Variants in CDADC1 observed in about 807,000 individuals in gnomAD.
The protein encoded by CDADC1 is cytidine and dCMP deaminase domain containing 1, also known as dCTP deaminase.
In CDADC1, 39 loss-of-function variants were observed where a neutral mutation model predicts 54.9. The observed-to-expected ratio is 0.71, with a 90% CI of 0.55 to 0.93. The LOEUF is 0.93. CDADC1 is among the 40% of genes least tolerant of loss of function. CDADC1 has a pLI of 0.00. For missense variants in CDADC1, 518 were observed against 618.8 expected, an observed-to-expected ratio of 0.84 and a Z score of 1.73; for synonymous variants, 186 against 204.0, an observed-to-expected ratio of 0.91 and a Z score of 0.75.
intron 8 of CDADC1, among the ~76,000 whole-genome samples, chr13:49,282,346 C>T (rs1312039906): frequency 6.7e-6 from 1 of 149,666 alleles, no homozygotes; most frequent in Non-Finnish European, 1.5e-5. Flanking sequence ...CTCCTGGGCT[C>T]AAGCGATCTG....
chr13:49,260,606 C>T (rs1379548978), intron 4 of CDADC1, among the ~76,000 whole-genome samples: 3 of 152,196 alleles, frequency 2.0e-5, no homozygotes, highest in Non-Finnish European at 4.4e-5. Flanking sequence ...GTATAGCCAT[C>T]CGTCCACACC....
intron 2 of CDADC1, among the ~76,000 whole-genome samples, chr13:49,250,143 G>A (rs1440512868): frequency 6.6e-6 from 1 of 152,168 alleles, no homozygotes; most frequent in African/African-American, 2.4e-5. Context: ...TTACAAAGTT[G>A]TAGTTATATT....
chr13:49,248,759 G>A, intron 1 of CDADC1, 112 bp from the exon 2 acceptor site: 1 of 714,086 alleles, frequency 1.4e-6, no homozygotes, highest in South Asian at 1.6e-5. Flanking sequence ...CTTTTTCTGT[G>A]CCTCTTGCGA....
intron 8 of CDADC1, among the ~76,000 whole-genome samples, chr13:49,285,511 C>T (rs1217033675): frequency 6.6e-6 from 1 of 152,020 alleles, no homozygotes; most frequent in Non-Finnish European, 1.5e-5. Context: ...ATACCTAGGC[C>T]TTTTCTAGCT....
At chr13:49,279,187 G>A (rs980649795) in intron 7 of CDADC1, among the ~76,000 whole-genome samples, 5 of 152,174 alleles carry the variant, frequency 3.3e-5, no homozygotes, top group African/African-American at 1.2e-4. Context: ...AACTGTGTAA[G>A]ACATGACTCC....
rs1953293434 is a variant in CDADC1, at chr13:49,280,622, A to G, written c.1334A>G (p.Asp445Gly). 7 of 1,602,014 alleles carry G rather than the reference A, an allele frequency of 4.4e-6. No individual in the cohort carries two copies. The East Asian group carries it at 1.4e-4, about 31-fold the overall frequency. ...GGCATAAAACAAATCTATGCAGGAG[A>G]TGTAGATGTTGGAAAAAAGAAGGCA... is the stretch of plus-strand genomic sequence containing the variant. ...GAGIKQIYAG[D>G]VDVGKKKADI... The change falls in exon 8 of 10, where the codon GAT becomes GGT. Residue 445 changes from aspartate to glycine, a missense_variant. Physicochemically the swap from Asp to Gly is moderately conservative, Grantham distance 94 (BLOSUM62 -1). Coordinates refer to ENST00000251108, the MANE Select transcript of CDADC1 (RefSeq NM_030911.4).
chr13:49,292,441 AG>A lies in CDADC1; in HGVS notation c.*685del. Reference sequence around the variant, plus strand: ...ATCACTGACTCTTGAAATCACTAACAGTGAACCTCAAATTTGGTTATGATGT... The same window carrying A: ...ATCACTGACTCTTGAAATCACTAACATGAACCTCAAATTTGGTTATGATGT... On this transcript the variant is annotated 3_prime_UTR_variant, in exon 10 of 10. Transcript: ENST00000251108. 9.9e-7 allele frequency: 1 copy of A among 1,010,804 alleles called. No homozygotes were observed. Among genetic ancestry groups the A allele is most frequent in the Non-Finnish European group, 1.2e-6 (1 of 845,154 alleles). The allele number at this position is 1,010,804 out of a possible 1,614,324, so 62.6% of individuals were successfully genotyped here.
At chr13:49,256,802 A>T (rs1293044575) in intron 3 of CDADC1, among the ~76,000 whole-genome samples, 2 of 152,192 alleles carry the variant, frequency 1.3e-5, no homozygotes, top group African/African-American at 4.8e-5. Flanking sequence ...TCTGAGAGTG[A>T]GCCCAGTAGG....
chr13:49,283,592 TG>T (rs1953414241), intron 8 of CDADC1, among the ~76,000 whole-genome samples: 1 of 152,178 alleles, frequency 6.6e-6, no homozygotes, highest in African/African-American at 2.4e-5. Flanking sequence ...TCTTGCTTAC[TG>T]GTAGATTTTA....
chr13:49,271,154 C>T (rs973756246), intron 5 of CDADC1, among the ~76,000 whole-genome samples: 1 of 152,152 alleles, frequency 6.6e-6, no homozygotes, highest in African/African-American at 2.4e-5. Context: ...TGGCTCCCGC[C>T]TGTAATACCA....
At chr13:49,261,488 G>A (rs1952686018) in intron 4 of CDADC1, among the ~76,000 whole-genome samples, 2 of 152,158 alleles carry the variant, frequency 1.3e-5, no homozygotes, top group Admixed American at 1.3e-4. Flanking sequence ...TAGGTAATGT[G>A]GAGACATTGA....
At chr13:49,291,662 C>T (rs1396703024) in intron 9 of CDADC1, 22 bp from the exon 10 acceptor site, 1 of 1,611,300 alleles carries the variant, frequency 6.2e-7, no homozygotes, top group Admixed American at 1.7e-5. Flanking sequence ...CTGTCCTGAC[C>T]TAGCGTTATT....
At chr13:49,275,724 TATAGAGAGAG>T (rs1953106932) in intron 6 of CDADC1, among the ~76,000 whole-genome samples, 4 of 15,454 alleles carry the variant, frequency 2.6e-4, no homozygotes, top group South Asian at 3.4e-3. Context: ...TATATATATA[TATAGAGAGAG>T]AGAGAGAGAG....
chr13:49,253,064 A>G (rs943802465), intron 2 of CDADC1, among the ~76,000 whole-genome samples: 6 of 152,192 alleles, frequency 3.9e-5, no homozygotes, highest in Admixed American at 2.6e-4. Context: ...AGCTAAAGTA[A>G]TAAGATTGTT....
chr13:49,291,687 G>T lies in CDADC1; in HGVS notation c.1475G>T (p.Gly492Val). The T allele has an allele frequency of 6.2e-7, 1 of 1,613,748 alleles. No homozygotes were observed. Among genetic ancestry groups the T allele is most frequent in the Non-Finnish European group, 8.5e-7 (1 of 1,179,902 alleles). ...CTAGCGTTATTCTCAATGCTAGATG[G>T]TGTGTTGAGACCTGTCCCACAGAAG... ...EQNEPERRENGVLRPVPQKEE... is the reference protein window; with the variant it reads ...EQNEPERRENVVLRPVPQKEE... The change falls in exon 10 of 10, where the codon GGT becomes GTT. Residue 492 changes from glycine (G) to valine (V), a missense_variant. Coordinates refer to ENST00000251108, the MANE Select transcript of CDADC1 (RefSeq NM_030911.4).
chr13:49,248,123 A>T lies in CDADC1; in HGVS notation c.82+4A>T. 6.4e-7 allele frequency: 1 copy of T among 1,550,558 alleles called. No homozygotes were observed. The highest frequency in any genetic ancestry group is 8.7e-7 in the Non-Finnish European group (1 of 1,146,474). Reference sequence around the variant, plus strand: ...ACCCAGACTGGCAGCATGACCGGTGAGTGTCCGGGACCCTGCTCCCGCCAC... The same window carrying T: ...ACCCAGACTGGCAGCATGACCGGTGTGTGTCCGGGACCCTGCTCCCGCCAC... On this transcript the variant is annotated splice_donor_region_variant and intron_variant, in intron 1 of 9. Coordinates refer to ENST00000251108, the MANE Select transcript of CDADC1 (RefSeq NM_030911.4).
chr13:49,268,149 C>A, intron 5 of CDADC1, 90 bp downstream of exon 5: 1 of 1,018,890 alleles, frequency 9.8e-7, no homozygotes, highest in Non-Finnish European at 1.4e-6. Flanking sequence ...AGTTCATTTA[C>A]TCATAGTTAC....
At position 49,248,065 on chromosome 13, in the gene CDADC1, C is replaced by A. The variant is rs914410372; in HGVS notation, c.28C>A (p.Leu10Met). The A allele has an allele frequency of 6.4e-7, 1 of 1,553,848 alleles. No individual in the cohort carries two copies. Among genetic ancestry groups the A allele is most frequent in the Non-Finnish European group, 8.7e-7 (1 of 1,148,320 alleles). Residue 10 changes from leucine (L) to methionine (M), a missense_variant, in exon 1 of 10, where the codon CTG becomes ATG. Transcript: ENST00000251108. ...GAAAGAAGCTGGGCAGATGCAAAAT[C>A]TGGAGAGCGCGAGGGCCGGGCGGTC... MKEAGQMQNLESARAGRSVS... is the reference protein window; with the variant it reads MKEAGQMQNMESARAGRSVS...
At chr13:49,288,841 G>A (rs1428886899) in intron 9 of CDADC1, among the ~76,000 whole-genome samples, 1 of 152,100 alleles carries the variant, frequency 6.6e-6, no homozygotes, top group African/African-American at 2.4e-5. Context: ...AAGAGTCATG[G>A]AGCTTTCAAG....
Sources: allele counts gnomAD v4.1 joint callset (sites outside exome capture counted in the v4.1 genomes callset), GRCh38; gene constraint gnomAD v4.1.1; transcripts MANE v1.5; gene names NCBI Gene and HGNC (gene_info 2026-07-23, HGNC 2026-07-21).